The following PRR5L variants were observed in gnomAD, a reference collection of about 807,000 sequenced individuals.
The protein encoded by PRR5L is proline rich 5 like.
A neutral mutation model predicts 36.4 loss-of-function variants in PRR5L; 21 were observed. The ratio of observed to expected loss-of-function variants is 0.58; its 90% CI spans 0.41 to 0.83. The LOEUF (loss-of-function observed/expected upper bound fraction) is 0.83, where lower values mean the gene tolerates loss of function less well. PRR5L is among the 40% of genes least tolerant of loss of function. The probability of loss-of-function intolerance (pLI) is 0.00; values close to 1 mark genes in which losing one functional copy is unlikely to be tolerated. For synonymous variants in PRR5L, 188 were observed against 197.0 expected (o/e 0.95, Z 0.38); for missense variants, 381 against 473.3 (o/e 0.80, Z 1.81).
intron 8 of PRR5L, among the ~76,000 whole-genome samples, chr11:36,457,140 GATGCTGC>G (rs1453763057): frequency 1.8e-4 from 27 of 152,336 alleles, no homozygotes; most frequent in Middle Eastern, 3.4e-3. Flanking sequence ...TTCCTACAAA[GATGCTGC>G]ATGTGTCTGC....
chr11:36,417,542 C>T (rs1169337647), intron 3 of PRR5L, among the ~76,000 whole-genome samples: 1 of 152,188 alleles, frequency 6.6e-6, no homozygotes, highest in African/African-American at 2.4e-5. Context: ...CAGGGTGGCC[C>T]TCCATGAGAC....
chr11:36,304,161 C>G (rs1399633159), intron 1 of PRR5L, among the ~76,000 whole-genome samples: 3 of 152,184 alleles, frequency 2.0e-5, no homozygotes, highest in Non-Finnish European at 1.5e-5. Flanking sequence ...TCAAGAATTC[C>G]TCATTATTTT....
intron 8 of PRR5L, 62 bp from the exon 9 acceptor site, chr11:36,462,280 G>C: frequency 6.9e-7 from 1 of 1,443,572 alleles, no homozygotes; most frequent in Non-Finnish European, 9.2e-7. Context: ...AGTTGGATTA[G>C]GAGCTTTTAA....
chr11:36,356,711 C>T (rs1249884933), intron 1 of PRR5L, among the ~76,000 whole-genome samples: 1 of 152,162 alleles, frequency 6.6e-6, no homozygotes, highest in African/African-American at 2.4e-5. Flanking sequence ...TGGGGCACCA[C>T]ACACTGTACC....
At chr11:36,449,506 G>A (rs1219108804) in intron 7 of PRR5L, among the ~76,000 whole-genome samples, 1 of 152,220 alleles carries the variant, frequency 6.6e-6, no homozygotes, top group Non-Finnish European at 1.5e-5. Flanking sequence ...AACTGCCCCA[G>A]TGAGAGGCAG....
chr11:36,384,836 C>CTTT (rs370922452), intron 1 of PRR5L, among the ~76,000 whole-genome samples: 2 of 133,546 alleles, frequency 1.5e-5, no homozygotes, highest in African/African-American at 2.8e-5. Context: ...CCATGCCTGG[C>CTTT]TTTTTTTTTT....
chr11:36,307,566 C>G (rs2133452381), intron 1 of PRR5L, among the ~76,000 whole-genome samples: 1 of 152,180 alleles, frequency 6.6e-6, no homozygotes, highest in Middle Eastern at 3.4e-3. Context: ...GCAATGACAT[C>G]TAGAATAGCA....
In PRR5L at chr11:36,384,766, G is replaced by A. The variant is rs1215672357; in HGVS notation, c.-125-16231G>A. Among the ~76,000 whole-genome samples the A allele has an allele frequency of 2.0e-5, 3 of 151,722 alleles. No individual in the cohort carries two copies. The East Asian group carries it at 5.8e-4, about 29-fold the overall frequency. On this transcript the variant is annotated intron_variant, in intron 1 of 8. Coordinates refer to ENST00000530639, the MANE Select transcript of PRR5L (RefSeq NM_001160167.2). ...TAGCTCACTGCAGCCTTGAACTCCT[G>A]GGCTCAAGGGATCCTCCTGCCTCAG...
At chr11:36,348,772 A>G (rs766836830) in intron 1 of PRR5L, among the ~76,000 whole-genome samples, 8 of 152,214 alleles carry the variant, frequency 5.3e-5, no homozygotes, top group Non-Finnish European at 8.8e-5. Context: ...GATAATCAAT[A>G]TTGAATGACA....
At chr11:36,415,152 T>A (rs895598997) in intron 3 of PRR5L, among the ~76,000 whole-genome samples, 2 of 152,100 alleles carry the variant, frequency 1.3e-5, no homozygotes, top group African/African-American at 2.4e-5. Context: ...GTGTGATGCC[T>A]CCAGCTTTGT....
chr11:36,373,124 G>T (rs1386006956), intron 1 of PRR5L, among the ~76,000 whole-genome samples: 2 of 152,096 alleles, frequency 1.3e-5, no homozygotes, highest in Admixed American at 6.6e-5. Flanking sequence ...TAGTCTTAAA[G>T]GGGGCTGCCT....
At chr11:36,436,109 G>T (rs1858601819) in intron 5 of PRR5L, among the ~76,000 whole-genome samples, 1 of 152,164 alleles carries the variant, frequency 6.6e-6, no homozygotes, top group African/African-American at 2.4e-5. Context: ...GGACCTCCTG[G>T]CTACTAGTCA....
chr11:36,446,147 G>C (rs1287400406), intron 6 of PRR5L, among the ~76,000 whole-genome samples, 153 bp from the exon 7 acceptor site: 1 of 152,206 alleles, frequency 6.6e-6, no homozygotes, highest in African/African-American at 2.4e-5. Flanking sequence ...AGAGGAGCCA[G>C]GTCTTTGGCT....
At chr11:36,369,948 G>A (rs941327060) in intron 1 of PRR5L, among the ~76,000 whole-genome samples, 11 of 152,176 alleles carry the variant, frequency 7.2e-5, no homozygotes, top group Non-Finnish European at 1.3e-4. Context: ...GTCTTAAGAT[G>A]CAGAGAGGGG....
intron 5 of PRR5L, among the ~76,000 whole-genome samples, chr11:36,434,831 C>T (rs990028515): frequency 3.9e-5 from 6 of 152,060 alleles, no homozygotes; most frequent in Non-Finnish European, 7.4e-5. Context: ...CTTCTCTGAA[C>T]GCTTTCCAAA....
At chr11:36,431,384 T>C (rs1035739438) in intron 4 of PRR5L, among the ~76,000 whole-genome samples, 1 of 152,256 alleles carries the variant, frequency 6.6e-6, no homozygotes, top group Non-Finnish European at 1.5e-5. Context: ...CATTGACAGA[T>C]GCATATTCAC....
intron 5 of PRR5L, among the ~76,000 whole-genome samples, chr11:36,433,830 A>G (rs992418697): frequency 5.3e-5 from 8 of 152,220 alleles, no homozygotes; most frequent in African/African-American, 1.9e-4. Flanking sequence ...GGCATGAGCC[A>G]CTGTGCCCAG....
chr11:36,426,879 G>A (rs1157043013), intron 4 of PRR5L, among the ~76,000 whole-genome samples: 2 of 152,194 alleles, frequency 1.3e-5, no homozygotes, highest in Admixed American at 1.3e-4. Flanking sequence ...CTTCCTGCTG[G>A]GAAGATGGGG....
intron 1 of PRR5L, among the ~76,000 whole-genome samples, chr11:36,361,205 C>T (rs1176758410): frequency 6.6e-6 from 1 of 151,988 alleles, no homozygotes; most frequent in Non-Finnish European, 1.5e-5. Flanking sequence ...TGGAGTTTTC[C>T]GGAGGTGACA....
Sources: gnomAD v4.1 joint callset for allele counts (sites outside exome capture counted in the v4.1 genomes callset) on GRCh38, gnomAD v4.1.1 for gene constraint, MANE v1.5 for transcripts, NCBI Gene and HGNC (gene_info 2026-07-23, HGNC 2026-07-21) for gene names.